The following SNAPC1 variants were observed in gnomAD, a reference collection of about 807,000 sequenced individuals.
SNAPC1 encodes the protein small nuclear RNA activating complex polypeptide 1, also known as snRNA-activating protein complex subunit 1.
A neutral mutation model predicts 50.1 loss-of-function variants in SNAPC1; 42 were observed. The ratio of observed to expected loss-of-function variants is 0.84; its 90% CI spans 0.65 to 1.08. The LOEUF (loss-of-function observed/expected upper bound fraction) is 1.08, where lower values mean the gene tolerates loss of function less well. Ranked by LOEUF, SNAPC1 falls within the 50% of genes least tolerant of loss-of-function variation. The pLI, the probability that SNAPC1 is intolerant of heterozygous loss-of-function variation, is 0.00. For missense variants in SNAPC1, 477 were observed against 427.3 expected (o/e 1.12, Z -1.02); for synonymous variants, 164 against 144.2 (o/e 1.14, Z -0.98).
At chr14:61,763,672 G>A (rs904056863) in intron 1 of SNAPC1, among the ~76,000 whole-genome samples, 67 of 152,008 alleles carry the variant, frequency 4.4e-4, no homozygotes, top group African/African-American at 1.6e-3. Flanking sequence ...TCCCCGCATA[G>A]CACCCTGTTT....
At chr14:61,766,101 C>CTAA (rs1416406588) in intron 1 of SNAPC1, among the ~76,000 whole-genome samples, 1 of 152,194 alleles carries the variant, frequency 6.6e-6, no homozygotes, top group Admixed American at 6.5e-5. Context: ...AAGACCTATG[C>CTAA]TAACATTCTT....
intron 1 of SNAPC1, among the ~76,000 whole-genome samples, chr14:61,763,267 A>G (rs1423519785): frequency 6.6e-6 from 1 of 151,960 alleles, no homozygotes; most frequent in African/African-American, 2.4e-5. Context: ...CTAGGATTAC[A>G]GGAGTGAGCC....
Position 61,776,226 on chromosome 14 carries a change from G to T in SNAPC1, c.666G>T (p.Glu222Asp). Reference protein sequence around the residue: ...FFDNIKNIVLEHQQWHKDRKN... With the variant: ...FFDNIKNIVLDHQQWHKDRKN... ...ACAATATTAAGAACATAGTTTTGGA[G>T]CATCAGCAGTGGCACAAAGACAGAA... The change falls in exon 5 of 10, where the codon GAG becomes GAT. Residue 222 changes from glutamate to aspartate, a missense_variant. Physicochemically the swap from Glu to Asp is conservative, Grantham distance 45. Coordinates refer to ENST00000216294, the MANE Select transcript of SNAPC1 (RefSeq NM_003082.4). 6.2e-7 allele frequency: 1 copy of T among 1,612,718 alleles called. No individual in the cohort carries two copies. Among genetic ancestry groups the T allele is most frequent in the Non-Finnish European group, 8.5e-7 (1 of 1,179,532 alleles).
At chr14:61,786,427 G>C (rs927649001) in intron 8 of SNAPC1, among the ~76,000 whole-genome samples, 1 of 152,152 alleles carries the variant, frequency 6.6e-6, no homozygotes, top group African/African-American at 2.4e-5. Flanking sequence ...ATCCAAAATA[G>C]TAATATTTAA....
intron 8 of SNAPC1, among the ~76,000 whole-genome samples, chr14:61,789,473 A>G (rs2045137593): frequency 6.6e-6 from 1 of 152,230 alleles, no homozygotes; most frequent in African/African-American, 2.4e-5. Flanking sequence ...CAAGGATAGT[A>G]TAATGAGAAA....
At chr14:61,763,669 A>G (rs1594897810) in intron 1 of SNAPC1, among the ~76,000 whole-genome samples, 1 of 151,862 alleles carries the variant, frequency 6.6e-6, no homozygotes, top group Non-Finnish European at 1.5e-5. Context: ...TTTTCCCCGC[A>G]TAGCACCCTG....
intron 4 of SNAPC1, among the ~76,000 whole-genome samples, chr14:61,772,918 C>G (rs190694945): frequency 8.5e-5 from 13 of 152,178 alleles, no homozygotes; most frequent in African/African-American, 3.1e-4. Flanking sequence ...TATCCTGGCT[C>G]TGTCGGATCT....
At chr14:61,793,118 T>C (rs1321040919) in intron 9 of SNAPC1, among the ~76,000 whole-genome samples, 4 of 152,232 alleles carry the variant, frequency 2.6e-5, no homozygotes, top group African/African-American at 9.6e-5. Context: ...ACCCATTAGG[T>C]ATCCTATCAG....
At chr14:61,769,569 T>C (rs1269121675) in intron 4 of SNAPC1, among the ~76,000 whole-genome samples, 1 of 151,722 alleles carries the variant, frequency 6.6e-6, no homozygotes, top group Non-Finnish European at 1.5e-5. Flanking sequence ...GGCTGATTTT[T>C]TGTATTTTTG....
chr14:61,789,230 CAAA>C (rs57065160), intron 8 of SNAPC1, among the ~76,000 whole-genome samples: 5 of 104,862 alleles, frequency 4.8e-5, no homozygotes, highest in Admixed American at 9.5e-5. Flanking sequence ...GACTCCATCT[CAAA>C]AAAAAAAAAA....
rs1266707096 is a variant in SNAPC1, at chr14:61,794,554, T to C, written c.1073-395T>C. 2.0e-5 allele frequency among the ~76,000 whole-genome samples: 3 copies of C among 152,146 alleles called. No individual in the cohort carries two copies. In the East Asian group the frequency reaches 5.8e-4, roughly 29 times the overall value. ...CTGAGTAGCTGGTACTATAGACATGTACCACCACGCCCGGCTAATTTTTTG... is the reference window on the plus strand; with the variant it reads ...CTGAGTAGCTGGTACTATAGACATGCACCACCACGCCCGGCTAATTTTTTG... On this transcript the variant is annotated intron_variant, in intron 9 of 9. Coordinates refer to ENST00000216294, the MANE Select transcript of SNAPC1 (RefSeq NM_003082.4).
chr14:61,773,008 C>G (rs981051833), intron 4 of SNAPC1, among the ~76,000 whole-genome samples: 2 of 152,200 alleles, frequency 1.3e-5, no homozygotes, highest in African/African-American at 4.8e-5. Flanking sequence ...CTAGCATAGC[C>G]TGTAATCCAT....
chr14:61,791,137 G>A (rs549649994), intron 8 of SNAPC1, among the ~76,000 whole-genome samples: 8 of 152,030 alleles, frequency 5.3e-5, no homozygotes, highest in East Asian at 1.9e-4. Context: ...TCAGTCTCCC[G>A]GGTAGCTGGG....
At chr14:61,769,040 A>G (rs2044968818) in intron 4 of SNAPC1, among the ~76,000 whole-genome samples, 1 of 152,214 alleles carries the variant, frequency 6.6e-6, no homozygotes, top group Non-Finnish European at 1.5e-5. Context: ...AAGAGTTTAA[A>G]GTGACTTTAC....
chr14:61,767,356 T>C lies in SNAPC1; in HGVS notation c.429+4T>C. 6.9e-7 allele frequency: 1 copy of C among 1,450,302 alleles called. No homozygotes were observed. The highest frequency in any genetic ancestry group is 1.5e-5 in the African/African-American group (1 of 68,144). The allele number at this position is 1,450,302 out of a possible 1,614,324, so 89.8% of individuals were successfully genotyped here. A position where few individuals can be genotyped will look rare whatever the true frequency, so the allele number is the denominator to read the frequency against. ...CTTTACAGCAATGCCCAAATTGGTA[T>C]GTTGCCTAAAATAATTTGGTTTTTT... On this transcript the variant is annotated splice_donor_region_variant and intron_variant, in intron 3 of 9. Transcript: ENST00000216294.
In SNAPC1 at chr14:61,795,090, G is replaced by A. The variant is rs2045179464; in HGVS notation, c.*107G>A. 1.5e-6 allele frequency: 1 copy of A among 672,530 alleles called. No homozygotes were observed. The highest frequency in any genetic ancestry group is 1.9e-5 in the African/African-American group (1 of 53,356). The allele number at this position is 672,530 out of a possible 1,614,324, so 41.7% of individuals were successfully genotyped here. ...TGCCAGTATTAAAAAAATCCTTCTG[G>A]GAATCTGTAGGTTATTTCTTGGAAA... On this transcript the variant is annotated 3_prime_UTR_variant, in exon 10 of 10. Coordinates refer to ENST00000216294, the MANE Select transcript of SNAPC1 (RefSeq NM_003082.4).
intron 1 of SNAPC1, among the ~76,000 whole-genome samples, chr14:61,765,352 G>T (rs2044939314): frequency 6.6e-6 from 1 of 152,186 alleles, no homozygotes; most frequent in South Asian, 2.1e-4. Flanking sequence ...GGACGCACCC[G>T]TGACACAGCC....
intron 8 of SNAPC1, among the ~76,000 whole-genome samples, chr14:61,792,393 G>A (rs2045158473): frequency 6.6e-6 from 1 of 152,174 alleles, no homozygotes; most frequent in Admixed American, 6.5e-5. Context: ...GGTGAGAAAA[G>A]AAAGTATGTT....
intron 9 of SNAPC1, 98 bp downstream of exon 9, chr14:61,793,000 T>TGA: frequency 1.7e-6 from 1 of 596,006 alleles, no homozygotes; most frequent in Non-Finnish European, 3.0e-6. Context: ...GTTTGCTGTG[T>TGA]GTTCTTGTGA....
Sources: gnomAD v4.1 joint callset for allele counts (sites outside exome capture counted in the v4.1 genomes callset) on GRCh38, gnomAD v4.1.1 for gene constraint, MANE v1.5 for transcripts, NCBI Gene and HGNC (gene_info 2026-07-23, HGNC 2026-07-21) for gene names.